The following TLE4 variants were observed in gnomAD, a reference collection of about 807,000 sequenced individuals.
TLE4 encodes the protein TLE family member 4, transcriptional corepressor, also known as transducin-like enhancer protein 4.
Under a neutral mutation model 92.8 loss-of-function variants are expected in TLE4, and 8 were observed. The observed-to-expected ratio is 0.09, with a 90% CI of 0.05 to 0.16. The LOEUF is 0.16. Ranked by LOEUF, TLE4 falls within the 10% of genes least tolerant of loss-of-function variation. The pLI is 1.00. For synonymous variants in TLE4, 371 were observed against 374.1 expected, an observed-to-expected ratio of 0.99 and a Z score of 0.10; for missense variants, 675 against 997.6, an observed-to-expected ratio of 0.68 and a Z score of 4.36.
chr9:79,679,036 G>A (rs977704196), intron 8 of TLE4, among the ~76,000 whole-genome samples: 1 of 151,914 alleles, frequency 6.6e-6, no homozygotes, highest in South Asian at 2.1e-4. Context: ...GGACATTTGG[G>A]TTGGTTCCAA....
chr9:79,716,646 C>G (rs1052412876), intron 14 of TLE4, among the ~76,000 whole-genome samples: 1 of 152,198 alleles, frequency 6.6e-6, no homozygotes, highest in African/African-American at 2.4e-5. Flanking sequence ...TTCGAATTTG[C>G]CATATTCCTA....
At chr9:79,640,268 A>G (rs1169392774) in intron 6 of TLE4, among the ~76,000 whole-genome samples, 1 of 152,152 alleles carries the variant, frequency 6.6e-6, no homozygotes, top group Non-Finnish European at 1.5e-5. Context: ...AATGTTCTTA[A>G]TACATGGTAA....
rs748356887 is a variant in TLE4 at position 79,725,181 on chromosome 9, G to C, written c.*37G>C. On this transcript the variant is annotated 3_prime_UTR_variant, in exon 20 of 20. Transcript: ENST00000376552. ...CATGCAGACTGGACTTCTCCTCCTGGTAGCACTTTGCTCTGTCATCCTTTT... is the reference window on the plus strand; with the variant it reads ...CATGCAGACTGGACTTCTCCTCCTGCTAGCACTTTGCTCTGTCATCCTTTT... 6.7e-7 allele frequency: 1 copy of C among 1,484,236 alleles called. No individual in the cohort carries two copies. The highest frequency in any genetic ancestry group is 9.4e-7 in the Non-Finnish European group (1 of 1,063,730). 91.9% of individuals were successfully genotyped at this position (1,484,236 alleles called of 1,614,324 possible).
Position 79,723,044 on chromosome 9 carries a change from G to A in TLE4, c.2214+9G>A, listed in dbSNP as rs1048648448. 2 of 1,612,000 alleles carry A rather than the reference G, an allele frequency of 1.2e-6. No individual in the cohort carries two copies. Among genetic ancestry groups the A allele is most frequent in the African/African-American group, 2.7e-5 (2 of 74,892 alleles). On this transcript the variant is annotated intron_variant, in intron 19 of 19. Coordinates refer to ENST00000376552, the MANE Select transcript of TLE4 (RefSeq NM_007005.6). ...GGGCCAGTATATTCCAGGTAACATG[G>A]AACTTGTTAACTACCACTTATGTTT...
chr9:79,701,788 G>C (rs563706393), intron 8 of TLE4, among the ~76,000 whole-genome samples: 11 of 152,262 alleles, frequency 7.2e-5, no homozygotes, highest in Non-Finnish European at 4.4e-5. Context: ...GTGCAGAGGG[G>C]ATGTTCAGCC....
At chr9:79,619,073 G>A (rs549176705) in intron 5 of TLE4, among the ~76,000 whole-genome samples, 1 of 152,172 alleles carries the variant, frequency 6.6e-6, no homozygotes, top group South Asian at 2.1e-4. Context: ...TTTCTAACAC[G>A]TAGTACCAAG....
chr9:79,671,825 T>C (rs1459490190), intron 8 of TLE4, among the ~76,000 whole-genome samples: 1 of 151,682 alleles, frequency 6.6e-6, no homozygotes, highest in Non-Finnish European at 1.5e-5. Flanking sequence ...AAGGGGAGGT[T>C]AAGGACTATA....
chr9:79,654,691 G>A (rs1412686484), intron 8 of TLE4, among the ~76,000 whole-genome samples: 3 of 148,554 alleles, frequency 2.0e-5, no homozygotes, highest in Non-Finnish European at 4.5e-5. Context: ...AGTATTTAAG[G>A]TCTAATGATT....
chr9:79,671,436 C>T lies in TLE4; in HGVS notation c.609+17361C>T, dbSNP rs549064736. 109 of 332,628 alleles carry T rather than the reference C, an allele frequency of 3.3e-4. 1 individual carries two copies. The Middle Eastern group carries it at 4.4e-3, about 13-fold the overall frequency. 20.6% of individuals were successfully genotyped at this position (332,628 alleles called of 1,614,324 possible). ...TTTTGCAGAGAGCCTCTTTTATTTT[C>T]GTGTCAGATTATCTGTAAAATGGAC... is the stretch of plus-strand genomic sequence containing the variant. On this transcript the variant is annotated intron_variant, in intron 8 of 19. Coordinates refer to ENST00000376552, the MANE Select transcript of TLE4 (RefSeq NM_007005.6).
intron 8 of TLE4, among the ~76,000 whole-genome samples, chr9:79,691,292 G>C (rs553930869): frequency 1.3e-5 from 2 of 152,294 alleles, no homozygotes; most frequent in South Asian, 4.1e-4. Flanking sequence ...TTGATGATCT[G>C]ATTCAGAATT....
At chr9:79,683,404 A>G (rs1360435129) in intron 8 of TLE4, among the ~76,000 whole-genome samples, 1 of 152,180 alleles carries the variant, frequency 6.6e-6, no homozygotes, top group East Asian at 1.9e-4. Context: ...ATGAAGTTTA[A>G]ACTTATTTTG....
rs1438826723 is a variant in TLE4 at position 79,720,398 on chromosome 9, G to C, written c.1838+105G>C. 3 of 1,199,542 alleles carry C rather than the reference G, an allele frequency of 2.5e-6. No homozygotes were observed. The African/African-American group carries it at 4.6e-5, about 19-fold the overall frequency. 74.3% of individuals were successfully genotyped at this position (1,199,542 alleles called of 1,614,324 possible). ...TATGGGTGTGTGTGTGTGTGTGTGT[G>C]TGTGTGTGTGTGTGTGTGTGTGTGT... On this transcript the variant is annotated intron_variant, in intron 16 of 19. Coordinates refer to ENST00000376552, the MANE Select transcript of TLE4 (RefSeq NM_007005.6).
intron 14 of TLE4, among the ~76,000 whole-genome samples, chr9:79,717,476 T>G (rs1197526861): frequency 6.6e-6 from 1 of 152,126 alleles, no homozygotes; most frequent in Non-Finnish European, 1.5e-5. Flanking sequence ...TCTACAACGC[T>G]CTGTAGTCTG....
chr9:79,644,574 G>T (rs1930256), intron 6 of TLE4, among the ~76,000 whole-genome samples: 1 of 152,126 alleles, frequency 6.6e-6, no homozygotes, highest in Non-Finnish European at 1.5e-5. Context: ...CCACTTCATT[G>T]TGATGCTTCC....
At chr9:79,586,151 T>C (rs1234150942) in intron 4 of TLE4, among the ~76,000 whole-genome samples, 3 of 148,822 alleles carry the variant, frequency 2.0e-5, no homozygotes, top group Non-Finnish European at 4.5e-5. Context: ...GGTGGGTGGA[T>C]CATGAGGTCA....
intron 13 of TLE4, among the ~76,000 whole-genome samples, chr9:79,709,267 A>C (rs541364522): frequency 6.6e-6 from 1 of 152,048 alleles, no homozygotes; most frequent in Non-Finnish European, 1.5e-5. Flanking sequence ...TTTTTATTTT[A>C]TATGTCTTTT....
chr9:79,596,007 A>T, intron 4 of TLE4, among the ~76,000 whole-genome samples: 1 of 151,618 alleles, frequency 6.6e-6, no homozygotes, highest in Non-Finnish European at 1.5e-5. Context: ...CCACCACGCC[A>T]TGCTATTTTT....
chr9:79,611,512 A>G lies in TLE4; in HGVS notation c.253-1144A>G, dbSNP rs550612203. Among the ~76,000 whole-genome samples, 3 of 152,204 alleles carry G rather than the reference A, an allele frequency of 2.0e-5. No individual in the cohort carries two copies. The South Asian group carries it at 6.2e-4, about 32-fold the overall frequency. On this transcript the variant is annotated intron_variant, in intron 4 of 19. Transcript: ENST00000376552. The stretch of plus-strand genomic sequence containing the variant: ...GCCTAGATTGCACAAGTAGAGTGTC[A>G]CTGTCATTCTGGTAATGACTTGGCA...
chr9:79,606,294 C>T (rs1247281839), intron 4 of TLE4, among the ~76,000 whole-genome samples: 2 of 121,238 alleles, frequency 1.6e-5, no homozygotes, highest in South Asian at 2.8e-4. Flanking sequence ...ACTGACGATA[C>T]CTTTGGTCTA....
Sources: allele counts gnomAD v4.1 joint callset (sites outside exome capture counted in the v4.1 genomes callset), GRCh38; gene constraint gnomAD v4.1.1; transcripts MANE v1.5; gene names NCBI Gene and HGNC (gene_info 2026-07-23, HGNC 2026-07-21).